Variants in CD276 observed in about 807,000 individuals in gnomAD.
CD276 encodes CD276 antigen.
CD276 carries 34 observed loss-of-function variants against 50.0 expected under a neutral mutation model. That is an observed-to-expected ratio of 0.68 (90% CI 0.52 to 0.91). The LOEUF is 0.91. Among genes scored for constraint, CD276 ranks in the 40% least tolerant of loss-of-function variants. The pLI is 0.00. For missense variants in CD276, 634 were observed against 717.5 expected, an observed-to-expected ratio of 0.88 and a Z score of 1.33; for synonymous variants, 275 against 313.0, an observed-to-expected ratio of 0.88 and a Z score of 1.28.
intron 1 of CD276, among the ~76,000 whole-genome samples, chr15:73,690,333 T>C (rs76495667): frequency 0.057 from 8,744 of 152,316 alleles, 277 homozygotes; most frequent in Non-Finnish European, 0.063. Context: ...GACAGGGTCC[T>C]TCTTAGAGTG....
chr15:73,700,662 C>T (rs752291341), intron 2 of CD276, among the ~76,000 whole-genome samples: 13 of 152,112 alleles, frequency 8.5e-5, no homozygotes, highest in African/African-American at 1.2e-4. Flanking sequence ...CTAGGTACTG[C>T]AAAGATTATG....
At chr15:73,703,167 A>G in intron 4 of CD276, 81 bp downstream of exon 4, 1 of 1,453,140 alleles carries the variant, frequency 6.9e-7, no homozygotes, top group South Asian at 1.4e-5. Context: ...ATCTGGCCCC[A>G]CCTTCAATCT....
At chr15:73,695,624 A>G (rs908169416) in intron 1 of CD276, among the ~76,000 whole-genome samples, 1 of 152,242 alleles carries the variant, frequency 6.6e-6, no homozygotes, top group Non-Finnish European at 1.5e-5. Context: ...ATGAATTACT[A>G]AAGACATGAA....
Position 73,713,614 on chromosome 15 carries a change from C to A in CD276, c.*658C>A. ...AAGACAGGGCACTCTGCGCCCACCACATGCACAGCTGTGCATGGAGACCTG... is the reference window on the plus strand; with the variant it reads ...AAGACAGGGCACTCTGCGCCCACCAAATGCACAGCTGTGCATGGAGACCTG... On this transcript the variant is annotated 3_prime_UTR_variant, in exon 10 of 10. Transcript: ENST00000318443. 3 of 340,120 alleles carry A rather than the reference C, an allele frequency of 8.8e-6. No individual in the cohort carries two copies. The highest frequency in any genetic ancestry group is 6.7e-5 in the South Asian group (3 of 44,996). 21.1% of individuals were successfully genotyped at this position (340,120 alleles called of 1,614,324 possible). A position where few individuals can be genotyped will look rare whatever the true frequency, so the allele number is the denominator to read the frequency against.
intron 1 of CD276, among the ~76,000 whole-genome samples, chr15:73,688,455 T>C (rs894256215): frequency 3.3e-5 from 5 of 152,148 alleles, no homozygotes; most frequent in African/African-American, 9.7e-5. Context: ...GGTTAAGTCA[T>C]TTAAACTTGG....
chr15:73,709,600 A>G (rs1162348915), intron 7 of CD276, 48 bp from the exon 8 acceptor site: 1 of 1,600,794 alleles, frequency 6.2e-7, no homozygotes, highest in African/African-American at 1.3e-5. Context: ...TGGCATGAAA[A>G]TGGGCTTGCA....
intron 1 of CD276, among the ~76,000 whole-genome samples, chr15:73,697,894 A>C (rs1900236316): frequency 6.6e-6 from 1 of 152,198 alleles, no homozygotes; most frequent in African/African-American, 2.4e-5. Flanking sequence ...AAAGTCCTGC[A>C]AAAATAGGAC....
In CD276 at chr15:73,713,691, G is replaced by A. The variant is rs1901006659; in HGVS notation, c.*735G>A. 2 of 426,540 alleles carry A rather than the reference G, an allele frequency of 4.7e-6. No homozygotes were observed. Among genetic ancestry groups the A allele is most frequent in the East Asian group, 8.9e-5 (1 of 11,228 alleles). 26.4% of individuals were successfully genotyped at this position (426,540 alleles called of 1,614,324 possible). On this transcript the variant is annotated 3_prime_UTR_variant, in exon 10 of 10. Transcript: ENST00000318443. ...GTTCCCCCCTGGCCCAGCCTCCTCTGCAGTGCCCCTCTCCCCTGCCCATCC... is the reference window on the plus strand; with the variant it reads ...GTTCCCCCCTGGCCCAGCCTCCTCTACAGTGCCCCTCTCCCCTGCCCATCC...
intron 2 of CD276, among the ~76,000 whole-genome samples, chr15:73,701,551 C>T (rs770762352): frequency 6.6e-6 from 1 of 152,184 alleles, no homozygotes; most frequent in South Asian, 2.1e-4. Flanking sequence ...ACAGCAAGGC[C>T]AGTCTTGCCT....
chr15:73,695,042 G>A (rs1286977453), intron 1 of CD276, among the ~76,000 whole-genome samples: 1 of 152,108 alleles, frequency 6.6e-6, no homozygotes, highest in Non-Finnish European at 1.5e-5. Flanking sequence ...GGGTGTAAGT[G>A]GACAACAACT....
At chr15:73,695,980 G>A (rs1900158412) in intron 1 of CD276, among the ~76,000 whole-genome samples, 1 of 152,236 alleles carries the variant, frequency 6.6e-6, no homozygotes, top group African/African-American at 2.4e-5. Context: ...CCCAGGTGCA[G>A]TCTGGATTTG....
intron 1 of CD276, among the ~76,000 whole-genome samples, chr15:73,693,336 C>T (rs974806170): frequency 6.6e-6 from 1 of 152,128 alleles, no homozygotes; most frequent in Admixed American, 6.5e-5. Flanking sequence ...CAGGGTTACA[C>T]AGCATTGTAA....
At position 73,687,684 on chromosome 15, in the gene CD276, C is replaced by A. The variant is rs558055121; in HGVS notation, c.-55+3224C>A. On this transcript the variant is annotated intron_variant, in intron 1 of 9. Transcript: ENST00000318443. This position sits in a 1 kb window ranked among gnomAD's most constrained non-coding sequence, Gnocchi z 4.0. Reference sequence around the variant, plus strand: ...CACCCTCCAGTTCTGACCAGTGCTCCCAGCCAGCTGCCCCCTTTCTCCCTT... The same window carrying A: ...CACCCTCCAGTTCTGACCAGTGCTCACAGCCAGCTGCCCCCTTTCTCCCTT... Among the ~76,000 whole-genome samples the A allele has an allele frequency of 8.9e-4, 136 of 152,284 alleles. 1 individual carries two copies. The highest frequency in any genetic ancestry group is 2.6e-3 in the African/African-American group (109 of 41,558).
chr15:73,703,950 T>C lies in CD276; in HGVS notation c.1025T>C (p.Val342Ala), dbSNP rs1900532684. The C allele has an allele frequency of 6.2e-7, 1 of 1,612,766 alleles. No homozygotes were observed. The highest frequency in any genetic ancestry group is 1.1e-5 in the South Asian group (1 of 91,048). Reference sequence around the variant, plus strand: ...GACGAGGGCAGCTTCACCTGCTTCGTGAGCATCCGGGATTTCGGCAGCGCT... The same window carrying C: ...GACGAGGGCAGCTTCACCTGCTTCGCGAGCATCCGGGATTTCGGCAGCGCT... Reference protein sequence around the residue: ...VADEGSFTCFVSIRDFGSAAV... With the variant: ...VADEGSFTCFASIRDFGSAAV... Residue 342 changes from valine to alanine, a missense_variant, in exon 5 of 10, where the codon GTG becomes GCG. Val to Ala is a moderately conservative substitution (Grantham distance 64, BLOSUM62 0). Coordinates refer to ENST00000318443, the MANE Select transcript of CD276 (RefSeq NM_001024736.2).
In CD276 at chr15:73,699,522, T is replaced by G. The variant is rs984578647; in HGVS notation, c.-54-64T>G. 61 of 1,533,452 alleles carry G rather than the reference T, an allele frequency of 4.0e-5. 1 individual carries two copies. Among genetic ancestry groups the G allele is most frequent in the Middle Eastern group, 1.7e-4 (1 of 5,986 alleles). The allele number at this position is 1,533,452 out of a possible 1,614,324, so 95.0% of individuals were successfully genotyped here. The stretch of plus-strand genomic sequence containing the variant: ...CTTCCCCACTCTGGTCCAGGAGAGA[T>G]GAGGCAAGAGATGGTCTGGGGAGAA... On this transcript the variant is annotated intron_variant, in intron 1 of 9. Transcript: ENST00000318443.
Position 73,704,598 on chromosome 15 carries a change from G to A in CD276, c.1369+126G>A. On this transcript the variant is annotated intron_variant, in intron 6 of 9. Transcript: ENST00000318443. The surrounding 1 kb of genome is among the most constrained non-coding windows in gnomAD (Gnocchi z 4.1). ...TCAAAATCCCTTTCATAGACTTCAGGTGCTCACACTCTTCCCCACAAGTCC... is the reference window on the plus strand; with the variant it reads ...TCAAAATCCCTTTCATAGACTTCAGATGCTCACACTCTTCCCCACAAGTCC... 4.8e-6 allele frequency: 6 copies of A among 1,245,318 alleles called. 1 individual carries two copies. In the Admixed American group the frequency reaches 1.1e-4, roughly 23 times the overall value. 77.1% of individuals were successfully genotyped at this position (1,245,318 alleles called of 1,614,324 possible). A position where few individuals can be genotyped will look rare whatever the true frequency, so the allele number is the denominator to read the frequency against.
chr15:73,690,835 A>C, intron 1 of CD276: 2 of 455,466 alleles, frequency 4.4e-6, no homozygotes, highest in South Asian at 1.5e-5. Flanking sequence ...GTGAGGGGCA[A>C]GTAGGAAGAG....
At chr15:73,711,219 G>A (rs758490495) in intron 9 of CD276, 49 bp downstream of exon 9, 2 of 1,598,288 alleles carry the variant, frequency 1.3e-6, no homozygotes, top group South Asian at 1.1e-5. Context: ...ACACATCTGT[G>A]TGTGAGAGGC....
intron 1 of CD276, among the ~76,000 whole-genome samples, chr15:73,696,791 T>C (rs1900195726): frequency 6.6e-6 from 1 of 152,068 alleles, no homozygotes; most frequent in Non-Finnish European, 1.5e-5. Flanking sequence ...TGGGGAGCCA[T>C]GGGAAGTTCT....
Sources: allele counts gnomAD v4.1 joint callset (sites outside exome capture counted in the v4.1 genomes callset), GRCh38; gene constraint gnomAD v4.1.1; non-coding constraint Gnocchi (gnomAD v3.1); transcripts MANE v1.5; gene names NCBI Gene and HGNC (gene_info 2026-07-23, HGNC 2026-07-21).